Variants in TENM2 observed in about 807,000 individuals in gnomAD.
The protein encoded by TENM2 is teneurin-2.
Under a neutral mutation model 245.2 loss-of-function variants are expected in TENM2, and 52 were observed. The observed-to-expected ratio is 0.21, with a 90% CI of 0.17 to 0.27. The LOEUF (loss-of-function observed/expected upper bound fraction) is 0.27, where lower values mean the gene tolerates loss of function less well. Among genes scored for constraint, TENM2 ranks in the 10% least tolerant of loss-of-function variants. The pLI, the probability that TENM2 is intolerant of heterozygous loss-of-function variation, is 1.00. For synonymous variants in TENM2, 1,363 were observed against 1,438.9 expected, an observed-to-expected ratio of 0.95 and a Z score of 1.19; for missense variants, 3,046 against 3,666.8, an observed-to-expected ratio of 0.83 and a Z score of 4.37.
At position 167,662,467 on chromosome 5, in the gene TENM2, T is replaced by C. The variant is rs147095890; in HGVS notation, c.503-213519T>C. Reference sequence around the variant, plus strand: ...ATCGTGGGGATTCTTTAAGCTTTATTAGTTAATTCACCCCAAACACTTGTA... The same window carrying C: ...ATCGTGGGGATTCTTTAAGCTTTATCAGTTAATTCACCCCAAACACTTGTA... On this transcript the variant is annotated intron_variant, in intron 2 of 28. Transcript: ENST00000518659. Among the ~76,000 whole-genome samples the C allele has an allele frequency of 7.2e-3, 1,089 of 152,298 alleles. 9 individuals are homozygous for C. The highest frequency in any genetic ancestry group is 0.025 in the African/African-American group (1,032 of 41,558).
At chr5:168,225,761 CAAAAAA>C (rs567948197) in intron 23 of TENM2, among the ~76,000 whole-genome samples, 4 of 57,132 alleles carry the variant, frequency 7.0e-5, no homozygotes, top group East Asian at 6.3e-4. Context: ...TCCATCATCT[CAAAAAA>C]AAAAAAAAAA....
rs1489682775 is a variant in TENM2 at position 167,285,015 on chromosome 5, C to T, written c.178C>T (p.Arg60Ter). 6.4e-7 allele frequency: 1 copy of T among 1,552,118 alleles called. No individual in the cohort carries two copies. The highest frequency in any genetic ancestry group is 8.7e-7 in the Non-Finnish European group (1 of 1,147,094). ...TGACAGCAGGATGCACTATGGAAAC[C>T]GAGTCACAGACCTCATCCACCGGGA... The change falls in exon 1 of 29, where the codon CGA becomes TGA. Residue 60 changes from arginine (R) to a stop codon, truncating the protein, a stop_gained. Coordinates refer to ENST00000518659, the Ensembl canonical transcript of TENM2. LOFTEE classifies it high-confidence loss of function.
At chr5:167,649,527 A>G (rs1034345291) in intron 2 of TENM2, among the ~76,000 whole-genome samples, 1 of 152,134 alleles carries the variant, frequency 6.6e-6, no homozygotes, top group Non-Finnish European at 1.5e-5. Flanking sequence ...AGAAAAACAC[A>G]CACACACACA....
intron 1 of TENM2, among the ~76,000 whole-genome samples, chr5:167,301,166 C>T (rs1414451668): frequency 6.6e-6 from 1 of 152,186 alleles, no homozygotes; most frequent in Non-Finnish European, 1.5e-5. Context: ...AGCCGCTAAG[C>T]CGAGAAGATC....
intron 5 of TENM2, among the ~76,000 whole-genome samples, chr5:168,020,164 A>T (rs1339998980): frequency 2.0e-5 from 3 of 152,178 alleles, no homozygotes; most frequent in Non-Finnish European, 4.4e-5. Flanking sequence ...AGTCAAGTTC[A>T]TTTAGACCTC....
intron 2 of TENM2, among the ~76,000 whole-genome samples, chr5:167,429,676 G>A (rs1054948938): frequency 2.0e-5 from 3 of 147,774 alleles, no homozygotes; most frequent in Admixed American, 6.9e-5. Flanking sequence ...AAGCGACCGC[G>A]GCTCAGTGCA....
At chr5:167,593,719 A>G (rs1776025461) in intron 2 of TENM2, among the ~76,000 whole-genome samples, 1 of 152,186 alleles carries the variant, frequency 6.6e-6, no homozygotes, top group African/African-American at 2.4e-5. Context: ...GGGTCTGTCC[A>G]CTGTGTTAAT....
chr5:168,246,828 C>G (rs369251850), exon 27 of TENM2: 9 of 1,613,814 alleles, frequency 5.6e-6, no homozygotes, highest in Non-Finnish European at 7.6e-6. Context: ...GCCTCCTTGC[C>G]GTCACCATGC....
rs201134328 is a variant in TENM2, at chr5:168,098,188, C to T, written c.1813+61C>T. On this transcript the variant is annotated intron_variant, in intron 9 of 28. Transcript: ENST00000518659. ...CAGACCCTCCCTAGGCTTCTCTGAGCGGGTAACAGAAGGGACATCCAAGTA... is the reference window on the plus strand; with the variant it reads ...CAGACCCTCCCTAGGCTTCTCTGAGTGGGTAACAGAAGGGACATCCAAGTA... 633 of 1,237,706 alleles carry T rather than the reference C, an allele frequency of 5.1e-4. 1 individual carries two copies. Among genetic ancestry groups the T allele is most frequent in the Non-Finnish European group, 5.2e-4 (442 of 852,832 alleles). 76.7% of individuals were successfully genotyped at this position (1,237,706 alleles called of 1,614,324 possible).
intron 3 of TENM2, among the ~76,000 whole-genome samples, chr5:167,896,353 CAGAGGGG>C (rs1278216649): frequency 6.6e-6 from 1 of 152,196 alleles, no homozygotes; most frequent in Non-Finnish European, 1.5e-5. Flanking sequence ...TTTAGGTTAG[CAGAGGGG>C]AATGACTGGA....
chr5:167,508,539 G>A (rs1182605874), intron 2 of TENM2, among the ~76,000 whole-genome samples: 1 of 152,130 alleles, frequency 6.6e-6, no homozygotes, highest in Non-Finnish European at 1.5e-5. Flanking sequence ...GGACACAAGA[G>A]CATCTCAGCT....
chr5:166,981,324 A>T, the TENM2 span, among the ~76,000 whole-genome samples: 1 of 152,154 alleles, frequency 6.6e-6, no homozygotes, highest in Non-Finnish European at 1.5e-5. Flanking sequence ...TGGACCTTTG[A>T]ATGGACTGTT....
intron 9 of TENM2, among the ~76,000 whole-genome samples, chr5:168,110,306 A>C (rs1179802775): frequency 6.6e-6 from 1 of 152,124 alleles, no homozygotes. Flanking sequence ...CTCCCAGTGA[A>C]AACAGTGATA....
At chr5:167,510,055 C>T (rs1323412953) in intron 2 of TENM2, among the ~76,000 whole-genome samples, 5 of 152,138 alleles carry the variant, frequency 3.3e-5, no homozygotes, top group African/African-American at 7.2e-5. Context: ...AATCTCCATC[C>T]GTCATATAGA....
chr5:167,876,206 T>A lies in TENM2; in HGVS notation c.712+11T>A. On this transcript the variant is annotated intron_variant, in intron 3 of 28. Coordinates refer to ENST00000518659, the Ensembl canonical transcript of TENM2. ...AAGCCTCCAGCAGTGGTAAGGAAAC[T>A]CCGTGGTGTCTGAATGTGTGGTGTT... 6.5e-7 allele frequency: 1 copy of A among 1,542,962 alleles called. No individual in the cohort carries two copies. Among genetic ancestry groups the A allele is most frequent in the Non-Finnish European group, 8.8e-7 (1 of 1,139,300 alleles).
intron 8 of TENM2, among the ~76,000 whole-genome samples, chr5:168,094,294 C>T (rs1418435922): frequency 6.6e-6 from 1 of 151,952 alleles, no homozygotes; most frequent in Non-Finnish European, 1.5e-5. Context: ...GATCTCGGGC[C>T]TTTTCCATGG....
chr5:167,265,457 C>G, the TENM2 span, among the ~76,000 whole-genome samples: 2 of 151,182 alleles, frequency 1.3e-5, no homozygotes, highest in African/African-American at 4.9e-5. Flanking sequence ...AATTTTACTT[C>G]AAGTTCAGGT....
chr5:167,359,873 C>G (rs1333702888), intron 1 of TENM2, among the ~76,000 whole-genome samples: 1 of 152,182 alleles, frequency 6.6e-6, no homozygotes, highest in Non-Finnish European at 1.5e-5. Context: ...TTTGCAGGAT[C>G]ATGGATAGAG....
intron 1 of TENM2, among the ~76,000 whole-genome samples, chr5:167,289,831 A>G (rs1205118456): frequency 6.6e-6 from 1 of 152,226 alleles, no homozygotes; most frequent in African/African-American, 2.4e-5. Flanking sequence ...ATTTCTTTCT[A>G]TGCCTTTGTC....
Sources: allele counts gnomAD v4.1 joint callset (sites outside exome capture counted in the v4.1 genomes callset), GRCh38; gene constraint gnomAD v4.1.1; transcripts MANE v1.5; gene names NCBI Gene and HGNC (gene_info 2026-07-23, HGNC 2026-07-21).